Variants in SMYD3 observed in about 807,000 individuals in gnomAD.
SMYD3 encodes SET and MYND domain containing 3, also known as histone-lysine N-methyltransferase SMYD3.
SMYD3 carries 36 observed loss-of-function variants against 57.7 expected under a neutral mutation model. The ratio of observed to expected loss-of-function variants is 0.62; its 90% CI spans 0.48 to 0.82. The LOEUF (loss-of-function observed/expected upper bound fraction) is 0.82. Ranked by LOEUF, SMYD3 falls within the 40% of genes least tolerant of loss-of-function variation. SMYD3 has a pLI of 0.00. For synonymous variants in SMYD3, 211 were observed against 195.0 expected, an observed-to-expected ratio of 1.08 and a Z score of -0.68; for missense variants, 515 against 538.8, an observed-to-expected ratio of 0.96 and a Z score of 0.44.
chr1:245,925,079 G>C (rs1196535548), intron 7 of SMYD3, among the ~76,000 whole-genome samples: 1 of 152,078 alleles, frequency 6.6e-6, no homozygotes, highest in Admixed American at 6.6e-5. Flanking sequence ...CCCATATTCT[G>C]ACACTCAGAT....
At chr1:246,497,204 T>C (rs2068377237) in intron 1 of SMYD3, among the ~76,000 whole-genome samples, 2 of 152,236 alleles carry the variant, frequency 1.3e-5, no homozygotes. Flanking sequence ...GTAAAACTAC[T>C]AGTTTCAAAC....
chr1:246,503,739 G>A lies in SMYD3; in HGVS notation c.164+3315C>T, dbSNP rs368377495. ...GCACTTAAGGAGGCTGAGGCGGGTAGATCACCTGAGGTCAGGAGTTTGAGA... is the reference window on the plus strand; with the variant it reads ...GCACTTAAGGAGGCTGAGGCGGGTAAATCACCTGAGGTCAGGAGTTTGAGA... On this transcript the variant is annotated intron_variant, in intron 1 of 11. Transcript: ENST00000490107. Among the ~76,000 whole-genome samples the A allele has an allele frequency of 2.0e-5, 3 of 152,154 alleles. No homozygotes were observed. The South Asian group carries it at 6.2e-4, about 31-fold the overall frequency.
At chr1:245,919,492 A>C (rs2055704777) in intron 7 of SMYD3, among the ~76,000 whole-genome samples, 1 of 152,184 alleles carries the variant, frequency 6.6e-6, no homozygotes, top group South Asian at 2.1e-4. Flanking sequence ...CGACTGCCCC[A>C]TTACCTCAGA....
intron 1 of SMYD3, among the ~76,000 whole-genome samples, chr1:246,387,881 T>TG (rs2066512241): frequency 2.8e-5 from 2 of 72,124 alleles, no homozygotes; most frequent in African/African-American, 5.5e-5. Context: ...AGTCAGTTTC[T>TG]GGGGACCTCC....
At chr1:246,399,630 C>T (rs2066735388) in intron 1 of SMYD3, among the ~76,000 whole-genome samples, 2 of 152,172 alleles carry the variant, frequency 1.3e-5, no homozygotes, top group African/African-American at 4.8e-5. Context: ...CAGGCGTGAG[C>T]TACCATGCCC....
chr1:245,816,557 G>A (rs565499859), intron 10 of SMYD3, among the ~76,000 whole-genome samples: 113 of 145,354 alleles, frequency 7.8e-4, no homozygotes, highest in Middle Eastern at 7.0e-3. Context: ...CAAGATGGCC[G>A]AATAGGAACA....
intron 5 of SMYD3, among the ~76,000 whole-genome samples, chr1:246,273,160 T>TTTTTTTTTTG: frequency 7.1e-6 from 1 of 140,304 alleles, no homozygotes; most frequent in Non-Finnish European, 1.6e-5. Flanking sequence ...TTTCTTTTTT[T>TTTTTTTTTTG]TGGGGGGGGG....
chr1:246,349,697 T>C (rs2065790340), intron 2 of SMYD3, among the ~76,000 whole-genome samples: 1 of 152,200 alleles, frequency 6.6e-6, no homozygotes, highest in African/African-American at 2.4e-5. Context: ...TGGTAAAGTG[T>C]TATTTGAGAG....
At chr1:246,413,448 G>C (rs976695652) in intron 1 of SMYD3, among the ~76,000 whole-genome samples, 1 of 152,118 alleles carries the variant, frequency 6.6e-6, no homozygotes, top group Admixed American at 6.6e-5. Flanking sequence ...ATTCCCAACA[G>C]AATGATTTAA....
chr1:245,835,644 C>T (rs1364435898), intron 10 of SMYD3, among the ~76,000 whole-genome samples: 2 of 152,160 alleles, frequency 1.3e-5, no homozygotes, highest in African/African-American at 2.4e-5. Context: ...GGCCCGGTCT[C>T]GATTCTGCAC....
intron 10 of SMYD3, among the ~76,000 whole-genome samples, chr1:245,820,327 CT>C (rs1255674111): frequency 1.3e-5 from 2 of 150,880 alleles, no homozygotes. Flanking sequence ...CAGAAAAGGC[CT>C]TTGACAAAAT....
chr1:245,817,201 A>G (rs2048875086), intron 10 of SMYD3, among the ~76,000 whole-genome samples: 1 of 147,334 alleles, frequency 6.8e-6, no homozygotes, highest in Non-Finnish European at 1.5e-5. Flanking sequence ...TGGAGATCTG[A>G]GAACGGGCAG....
At chr1:246,402,795 T>C (rs150633759) in intron 1 of SMYD3, among the ~76,000 whole-genome samples, 87 of 152,320 alleles carry the variant, frequency 5.7e-4, no homozygotes, top group African/African-American at 2.0e-3. Flanking sequence ...AGCAATGCCA[T>C]TTTCCAGCCT....
chr1:245,964,870 A>G (rs2058101372), intron 5 of SMYD3, among the ~76,000 whole-genome samples: 1 of 152,122 alleles, frequency 6.6e-6, no homozygotes, highest in Non-Finnish European at 1.5e-5. Context: ...TGGGAATATT[A>G]GAAAGAGAAT....
chr1:246,160,124 C>T (rs192145173), intron 5 of SMYD3, among the ~76,000 whole-genome samples: 60 of 152,310 alleles, frequency 3.9e-4, no homozygotes, highest in African/African-American at 1.3e-3. Context: ...CTGCTGTCTT[C>T]ATATCCCTGC....
At chr1:246,368,918 T>C (rs945876584) in intron 1 of SMYD3, among the ~76,000 whole-genome samples, 1 of 152,242 alleles carries the variant, frequency 6.6e-6, no homozygotes, top group Non-Finnish European at 1.5e-5. Flanking sequence ...TATTGGGACC[T>C]TGTAATCATG....
At chr1:245,812,701 CA>C (rs10636374) in intron 10 of SMYD3, among the ~76,000 whole-genome samples, 4 of 130,944 alleles carry the variant, frequency 3.1e-5, no homozygotes, top group Non-Finnish European at 6.3e-5. Context: ...ACAACAGTTC[CA>C]AAAAAAAAAA....
chr1:246,336,417 C>CA lies in SMYD3; in HGVS notation c.229-944dup, dbSNP rs535058913. Among the ~76,000 whole-genome samples, 178 of 152,256 alleles carry CA rather than the reference C, an allele frequency of 1.2e-3. 1 individual carries two copies. The highest frequency in any genetic ancestry group is 2.0e-3 in the Non-Finnish European group (134 of 68,008). On this transcript the variant is annotated intron_variant, in intron 2 of 11. Transcript: ENST00000490107. ...TGATACCACTTACTCATTCTTATTTCAAAAATTATAAATCTGCTCCTCAAT... is the reference window on the plus strand; with the variant it reads ...TGATACCACTTACTCATTCTTATTTCAAAAAATTATAAATCTGCTCCTCAAT...
chr1:246,205,018 G>A (rs201621299), intron 5 of SMYD3, among the ~76,000 whole-genome samples: 2 of 152,132 alleles, frequency 1.3e-5, no homozygotes, highest in South Asian at 2.1e-4. Context: ...GCTGCTCTGC[G>A]GAGGGGGTTC....
Sources: gnomAD v4.1 joint callset for allele counts (sites outside exome capture counted in the v4.1 genomes callset) on GRCh38, gnomAD v4.1.1 for gene constraint, MANE v1.5 for transcripts, NCBI Gene and HGNC (gene_info 2026-07-23, HGNC 2026-07-21) for gene names.